TMEM131L: variants seen among roughly 807,000 people sequenced by gnomAD.
TMEM131L encodes the protein transmembrane 131 like, also known as transmembrane protein 131-like.
Under a neutral mutation model 192.2 loss-of-function variants are expected in TMEM131L, and 54 were observed. The observed-to-expected ratio is 0.28, with a 90% CI of 0.23 to 0.35. The LOEUF is 0.35. TMEM131L is among the 10% of genes least tolerant of loss of function. The pLI is 1.00. For synonymous variants in TMEM131L, 701 were observed against 704.9 expected, an observed-to-expected ratio of 0.99 and a Z score of 0.09; for missense variants, 1,888 against 1,972.9, an observed-to-expected ratio of 0.96 and a Z score of 0.82.
chr4:153,488,701 G>A (rs528448622), intron 3 of TMEM131L, among the ~76,000 whole-genome samples: 2 of 152,348 alleles, frequency 1.3e-5, no homozygotes, highest in African/African-American at 4.8e-5. Context: ...GTCTAACGAA[G>A]TGCCACAAAC....
chr4:153,577,938 G>A (rs550170615), intron 7 of TMEM131L, among the ~76,000 whole-genome samples: 32 of 152,316 alleles, frequency 2.1e-4, no homozygotes, highest in African/African-American at 7.7e-4. Context: ...TAGGGGAATC[G>A]ATGTGGGAGG....
At chr4:153,581,051 A>C (rs1044626222) in intron 8 of TMEM131L, 148 bp downstream of exon 8, 1 of 593,760 alleles carries the variant, frequency 1.7e-6, no homozygotes, top group African/African-American at 1.9e-5. Flanking sequence ...CAGGAGATTG[A>C]GACCATCCTG....
intron 20 of TMEM131L, among the ~76,000 whole-genome samples, chr4:153,598,084 C>T (rs773531782): frequency 2.4e-4 from 37 of 152,278 alleles, no homozygotes; most frequent in South Asian, 1.7e-3. Context: ...TTTAAATCTT[C>T]ACTTCAAAAG....
rs1561223893 is a variant in TMEM131L, at chr4:153,593,810, A to G, written c.1934A>G (p.Asp645Gly). 1.2e-6 allele frequency: 2 copies of G among 1,612,302 alleles called. No homozygotes were observed. The highest frequency in any genetic ancestry group is 1.1e-5 in the South Asian group (1 of 91,038). Reference protein sequence around the residue: ...VHLLHRWFGTDMQMINFTTGE... With the variant: ...VHLLHRWFGTGMQMINFTTGE... ...TTTTTTCCTTATAGGTTTGGCACTG[A>G]TATGCAGATGATTAATTTCACAACT... The change falls in exon 19 of 35, where the codon GAT becomes GGT. Residue 645 changes from aspartate (D) to glycine (G), a missense_variant. Coordinates refer to ENST00000409959, the MANE Select transcript of TMEM131L (RefSeq NM_001131007.2).
chr4:153,477,918 A>G (rs1282695945), intron 3 of TMEM131L, among the ~76,000 whole-genome samples: 1 of 152,210 alleles, frequency 6.6e-6, no homozygotes, highest in East Asian at 1.9e-4. Context: ...AAATTTTAGA[A>G]GAACATTTTG....
intron 3 of TMEM131L, among the ~76,000 whole-genome samples, chr4:153,490,504 G>A (rs1732690828): frequency 6.6e-6 from 1 of 152,234 alleles, no homozygotes; most frequent in Admixed American, 6.5e-5. Flanking sequence ...TTAGGGAGCT[G>A]GGAAGGGGTT....
At chr4:153,581,318 G>A (rs773144453) in intron 8 of TMEM131L, 89 bp from the exon 9 acceptor site, 64 of 1,058,244 alleles carry the variant, frequency 6.0e-5, no homozygotes, top group South Asian at 1.3e-4. Context: ...GTCCCATTAC[G>A]TTAAATGCTT....
Position 153,555,669 on chromosome 4 carries a change from C to A in TMEM131L, c.309-118C>A. 3.8e-6 allele frequency: 3 copies of A among 794,542 alleles called. No individual in the cohort carries two copies. Among genetic ancestry groups the A allele is most frequent in the South Asian group, 5.6e-5 (2 of 35,782 alleles). The allele number at this position is 794,542 out of a possible 1,614,324, so 49.2% of individuals were successfully genotyped here. A position where few individuals can be genotyped will look rare whatever the true frequency, so the allele number is the denominator to read the frequency against. On this transcript the variant is annotated intron_variant, in intron 4 of 34. Transcript: ENST00000409959. This position sits in a 1 kb window ranked among gnomAD's most constrained non-coding sequence, Gnocchi z 4.1. ...TTGGATAATTTAACTTTGTGATGAA[C>A]AGCAACAGCTTTCTGGGTTTAAAAA... is the stretch of plus-strand genomic sequence containing the variant.
At chr4:153,599,510 C>T (rs553505857) in intron 21 of TMEM131L, among the ~76,000 whole-genome samples, 1,679 of 152,216 alleles carry the variant, frequency 0.011, 18 homozygotes, top group Middle Eastern at 0.027. Flanking sequence ...AAGACCCCTT[C>T]TCTAAAACAA....
chr4:153,467,078 A>C, intron 1 of TMEM131L, 133 bp from the exon 2 acceptor site: 1 of 853,376 alleles, frequency 1.2e-6, no homozygotes, highest in Non-Finnish European at 1.9e-6. Flanking sequence ...CGCCCCTGGG[A>C]TGGCCTCTGT....
intron 3 of TMEM131L, among the ~76,000 whole-genome samples, chr4:153,539,441 A>G (rs925140949): frequency 2.6e-4 from 40 of 152,066 alleles, no homozygotes; most frequent in African/African-American, 9.2e-4. Context: ...AACTTCAATT[A>G]AAAAGGTTTC....
At chr4:153,526,856 A>G (rs922903284) in intron 3 of TMEM131L, among the ~76,000 whole-genome samples, 1 of 152,190 alleles carries the variant, frequency 6.6e-6, no homozygotes, top group African/African-American at 2.4e-5. Flanking sequence ...AGAAACACAG[A>G]GGAGGGGTAA....
chr4:153,590,813 T>C (rs1731014939), intron 16 of TMEM131L, among the ~76,000 whole-genome samples: 1 of 149,040 alleles, frequency 6.7e-6, no homozygotes, highest in Non-Finnish European at 1.5e-5. Context: ...GGCTGGCTTG[T>C]GTGGCCCTTT....
intron 20 of TMEM131L, among the ~76,000 whole-genome samples, chr4:153,596,865 T>C (rs1472601297): frequency 2.0e-5 from 3 of 152,226 alleles, no homozygotes; most frequent in Non-Finnish European, 4.4e-5. Context: ...TTATTCCTTT[T>C]CTTCCTTTGA....
chr4:153,548,208 A>G (rs1737337597), intron 3 of TMEM131L, among the ~76,000 whole-genome samples: 1 of 152,246 alleles, frequency 6.6e-6, no homozygotes, highest in Non-Finnish European at 1.5e-5. Context: ...TTGAGTAAAT[A>G]GCATACCTCT....
chr4:153,630,653 C>T (rs999480318), intron 31 of TMEM131L, among the ~76,000 whole-genome samples: 2 of 152,206 alleles, frequency 1.3e-5, no homozygotes, highest in African/African-American at 4.8e-5. Flanking sequence ...CCATACCAGC[C>T]ATTTCTAACT....
At chr4:153,589,142 A>G (rs2150814718) in intron 16 of TMEM131L, 135 bp downstream of exon 16, 2 of 482,296 alleles carry the variant, frequency 4.1e-6, no homozygotes, top group African/African-American at 2.0e-5. Context: ...AGCAGACCCT[A>G]TATACTATGC....
Position 153,604,402 on chromosome 4 carries a change from C to G in TMEM131L, c.3390C>G (p.Asp1130Glu). The G allele has an allele frequency of 1.3e-6, 2 of 1,599,616 alleles. No homozygotes were observed. Among genetic ancestry groups the G allele is most frequent in the African/African-American group, 2.7e-5 (2 of 73,900 alleles). ...ACTCACCTCAGTACCACCAGCCAGA[C>G]TTGCCAGAAATTTCCAGGAAAAATA... ...PRNSPQYHQP[D>E]LPEISRKNNG... The change falls in exon 25 of 35, where the codon GAC becomes GAG. Residue 1130 changes from aspartate to glutamate, a missense_variant. By Grantham distance (45) the Asp-to-Glu change is conservative. Transcript: ENST00000409959.
At chr4:153,550,178 T>A in intron 4 of TMEM131L, 37 bp downstream of exon 4, 4 of 846,316 alleles carry the variant, frequency 4.7e-6, no homozygotes, top group South Asian at 2.1e-5. Context: ...ACTCATTTTA[T>A]TTATACTATT....
Sources: gnomAD v4.1 joint callset for allele counts (sites outside exome capture counted in the v4.1 genomes callset) on GRCh38, gnomAD v4.1.1 for gene constraint, Gnocchi (gnomAD v3.1) non-coding constraint, MANE v1.5 for transcripts, NCBI Gene and HGNC (gene_info 2026-07-23, HGNC 2026-07-21) for gene names.